PPARGC1B: variants seen among roughly 807,000 people sequenced by gnomAD.
PPARGC1B encodes PPARG coactivator 1 beta, also known as peroxisome proliferator-activated receptor gamma coactivator 1-beta.
In PPARGC1B, 34 loss-of-function variants were observed where a neutral mutation model predicts 101.6. The observed-to-expected ratio is 0.33, with a 90% CI of 0.25 to 0.45. PPARGC1B has a LOEUF of 0.45. Ranked by LOEUF, PPARGC1B falls within the 20% of genes least tolerant of loss-of-function variation. The pLI is 1.00. For missense variants in PPARGC1B, 1,234 were observed against 1,317.6 expected (o/e 0.94, Z 0.98); for synonymous variants, 548 against 539.3 (o/e 1.02, Z -0.22).
rs374653571 is a variant in PPARGC1B at position 149,852,104 on chromosome 5, C to G, written c.*4546C>G. On this transcript the variant is annotated 3_prime_UTR_variant, in exon 12 of 12. Coordinates refer to ENST00000309241, the MANE Select transcript of PPARGC1B (RefSeq NM_133263.4). ...GTGCTGGGGCCAACCCTTTGCTGGC[C>G]TTTTGTTGGAAGCCCTTGAAACAGG... 6.6e-6 allele frequency: 1 copy of G among 152,150 alleles called. No homozygotes were observed. The highest frequency in any genetic ancestry group is 2.4e-5 in the African/African-American group (1 of 41,408). 9.4% of individuals were successfully genotyped at this position (152,150 alleles called of 1,614,324 possible). A position where few individuals can be genotyped will look rare whatever the true frequency, so the allele number is the denominator to read the frequency against.
chr5:149,814,099 C>G (rs1025662438), intron 1 of PPARGC1B, among the ~76,000 whole-genome samples: 3 of 152,176 alleles, frequency 2.0e-5, no homozygotes, highest in African/African-American at 7.2e-5. Flanking sequence ...TGTTCCCAAC[C>G]TGTGGTACTT....
chr5:149,793,738 A>C (rs1172777597), intron 1 of PPARGC1B, among the ~76,000 whole-genome samples: 1 of 152,220 alleles, frequency 6.6e-6, no homozygotes, highest in Non-Finnish European at 1.5e-5. Flanking sequence ...TGAAGACAGC[A>C]GACTTGTAGG....
intron 1 of PPARGC1B, among the ~76,000 whole-genome samples, chr5:149,731,226 T>C (rs1417510325): frequency 6.6e-6 from 1 of 152,058 alleles, no homozygotes; most frequent in Non-Finnish European, 1.5e-5. Flanking sequence ...GAGAGGGTGC[T>C]CTGGTGTGCC....
At chr5:149,739,508 A>G (rs1007014133) in intron 1 of PPARGC1B, among the ~76,000 whole-genome samples, 10 of 152,114 alleles carry the variant, frequency 6.6e-5, no homozygotes, top group South Asian at 6.2e-4. Flanking sequence ...ATACAGGTAC[A>G]CCTTGCCATT....
rs995167657 is a variant in PPARGC1B, at chr5:149,845,138, G to A, written c.2817-622G>A. On this transcript the variant is annotated intron_variant, in intron 10 of 11. Transcript: ENST00000309241. ...GTTGACCACACATGCTGTTGTCAGA[G>A]GAAGGGGAGTGGAAGCTGAACAGGC... 2.0e-5 allele frequency among the ~76,000 whole-genome samples: 3 copies of A among 152,292 alleles called. 1 individual carries two copies. The highest frequency in any genetic ancestry group is 1.5e-5 in the Non-Finnish European group (1 of 68,022).
chr5:149,812,064 C>T (rs1757885375), intron 1 of PPARGC1B, among the ~76,000 whole-genome samples: 1 of 152,210 alleles, frequency 6.6e-6, no homozygotes, highest in Admixed American at 6.5e-5. Context: ...GCTTGGAGCC[C>T]GGCTGTGAAG....
chr5:149,741,650 CAG>C (rs542117246), intron 1 of PPARGC1B, among the ~76,000 whole-genome samples: 215 of 145,488 alleles, frequency 1.5e-3, no homozygotes, highest in Non-Finnish European at 2.5e-3. Flanking sequence ...TTTCGTGAGA[CAG>C]AGTCTTACCC....
In PPARGC1B at chr5:149,834,719, T is replaced by A. The variant is rs1758970422; in HGVS notation, c.1742+9T>A. The A allele has an allele frequency of 6.2e-7, 1 of 1,609,852 alleles. No individual in the cohort carries two copies. Among genetic ancestry groups the A allele is most frequent in the Non-Finnish European group, 8.5e-7 (1 of 1,176,246 alleles). ...CTGGCCTTGTCACAAAGGTAGATTT[T>A]TAGAAATTATTGGTGTATTGTTCCA... On this transcript the variant is annotated intron_variant, in intron 6 of 11. Transcript: ENST00000309241.
At chr5:149,755,558 G>C (rs1755486471) in intron 1 of PPARGC1B, among the ~76,000 whole-genome samples, 4 of 151,764 alleles carry the variant, frequency 2.6e-5, no homozygotes, top group South Asian at 4.2e-4. Flanking sequence ...GGCTGAAACA[G>C]TGCGGGAGTC....
intron 1 of PPARGC1B, among the ~76,000 whole-genome samples, chr5:149,732,632 T>A (rs1076063): frequency 0.1 from 15,466 of 152,312 alleles, 915 homozygotes; most frequent in East Asian, 0.25. Context: ...CTGGTGATCT[T>A]TGCCGGCCCA....
chr5:149,779,143 A>G lies in PPARGC1B; in HGVS notation c.79-41290A>G, dbSNP rs150195890. Among the ~76,000 whole-genome samples, 1,217 of 152,254 alleles carry G rather than the reference A, an allele frequency of 8.0e-3. 11 individuals carry two copies. Among genetic ancestry groups the G allele is most frequent in the African/African-American group, 0.028 (1,160 of 41,552 alleles). On this transcript the variant is annotated intron_variant, in intron 1 of 11. Coordinates refer to ENST00000309241, the MANE Select transcript of PPARGC1B (RefSeq NM_133263.4). ...TGACCCCAGCCAGACTCTGAATCTG[A>G]GTGCAGCCCATGGAAAGGAGTCCTG...
chr5:149,777,239 A>G (rs1179719892), intron 1 of PPARGC1B, among the ~76,000 whole-genome samples: 1 of 152,114 alleles, frequency 6.6e-6, no homozygotes, highest in African/African-American at 2.4e-5. Flanking sequence ...ATTTTCCCAA[A>G]CACACATAGA....
At chr5:149,831,580 C>A (rs1376276667) in intron 4 of PPARGC1B, among the ~76,000 whole-genome samples, 1 of 152,198 alleles carries the variant, frequency 6.6e-6, no homozygotes, top group Non-Finnish European at 1.5e-5. Flanking sequence ...TCCTGGCTGA[C>A]CCTCCTGAAA....
intron 1 of PPARGC1B, among the ~76,000 whole-genome samples, chr5:149,790,199 G>A (rs1756964976): frequency 2.0e-5 from 3 of 152,174 alleles, no homozygotes; most frequent in Admixed American, 2.0e-4. Flanking sequence ...GGGAGTGGTG[G>A]TGGTGATGAT....
At position 149,849,668 on chromosome 5, in the gene PPARGC1B, TGC is replaced by T. The variant is rs1759698929; in HGVS notation, c.*2111_*2112del. 1 of 152,248 alleles carries T rather than the reference TGC, an allele frequency of 6.6e-6. No homozygotes were observed. The highest frequency in any genetic ancestry group is 1.5e-5 in the Non-Finnish European group (1 of 68,048). 9.4% of individuals were successfully genotyped at this position (152,248 alleles called of 1,614,324 possible). A position where few individuals can be genotyped will look rare whatever the true frequency, so the allele number is the denominator to read the frequency against. On this transcript the variant is annotated 3_prime_UTR_variant, in exon 12 of 12. Transcript: ENST00000309241. Reference sequence around the variant, plus strand: ...TTTCCAACAATCACACAAAACCATATGCTGGCTGGGTTTCATGCTGGCCTATC... The same window carrying T: ...TTTCCAACAATCACACAAAACCATATTGGCTGGGTTTCATGCTGGCCTATC...
intron 1 of PPARGC1B, among the ~76,000 whole-genome samples, chr5:149,764,452 T>C (rs562334122): frequency 5.8e-4 from 89 of 152,318 alleles, no homozygotes; most frequent in South Asian, 4.4e-3. Context: ...AGAGAAAGTC[T>C]GGGATAGGGA....
chr5:149,802,880 A>G (rs1199096126), intron 1 of PPARGC1B, among the ~76,000 whole-genome samples: 1 of 152,144 alleles, frequency 6.6e-6, no homozygotes, highest in Non-Finnish European at 1.5e-5. Flanking sequence ...AAGCTCCAGG[A>G]GAGGCTGATG....
At chr5:149,777,873 C>G (rs1262759972) in intron 1 of PPARGC1B, among the ~76,000 whole-genome samples, 2 of 110,804 alleles carry the variant, frequency 1.8e-5, no homozygotes. Context: ...CCTCCCCCCC[C>G]ACCACAGACA....
At chr5:149,732,290 C>T (rs1457749797) in intron 1 of PPARGC1B, among the ~76,000 whole-genome samples, 2 of 152,142 alleles carry the variant, frequency 1.3e-5, no homozygotes, top group Admixed American at 6.5e-5. Context: ...GATTCTGTCC[C>T]CAGATCTCGA....
Sources: gnomAD v4.1 joint callset for allele counts (sites outside exome capture counted in the v4.1 genomes callset) on GRCh38, gnomAD v4.1.1 for gene constraint, MANE v1.5 for transcripts, NCBI Gene and HGNC (gene_info 2026-07-23, HGNC 2026-07-21) for gene names.